The following SMARCA2 variants were observed in gnomAD, a reference collection of about 807,000 sequenced individuals.
The protein encoded by SMARCA2 is SWI/SNF-related matrix-associated actin-dependent regulator of chromatin subfamily A member 2.
Under a neutral mutation model 199.8 loss-of-function variants are expected in SMARCA2, and 61 were observed. That is an observed-to-expected ratio of 0.31 (90% confidence interval 0.25 to 0.38). SMARCA2 has a LOEUF of 0.38. SMARCA2 is among the 10% of genes least tolerant of loss of function. SMARCA2 has a pLI of 1.00. For synonymous variants in SMARCA2, 935 were observed against 732.0 expected (o/e 1.28, Z -4.48); for missense variants, 1,344 against 2,012.2 (o/e 0.67, Z 6.35).
At chr9:2,069,415 C>T (rs1000818814) in intron 9 of SMARCA2, among the ~76,000 whole-genome samples, 8 of 151,526 alleles carry the variant, frequency 5.3e-5, no homozygotes, top group South Asian at 2.1e-4. Flanking sequence ...AAAAATTAGC[C>T]GGGCGTGGTG....
chr9:2,030,072 C>T (rs774687201), intron 2 of SMARCA2, among the ~76,000 whole-genome samples: 4 of 152,136 alleles, frequency 2.6e-5, no homozygotes, highest in East Asian at 1.9e-4. Context: ...TAATGAGACA[C>T]GTAGAGGTTT....
intron 29 of SMARCA2, among the ~76,000 whole-genome samples, chr9:2,173,059 T>A (rs931895418): frequency 6.6e-6 from 1 of 152,132 alleles, no homozygotes; most frequent in East Asian, 1.9e-4. Context: ...GCAGTCTGGA[T>A]GTGTGAGGAG....
intron 31 of SMARCA2, among the ~76,000 whole-genome samples, chr9:2,182,703 C>T (rs998038298): frequency 6.6e-6 from 1 of 152,040 alleles, no homozygotes; most frequent in Non-Finnish European, 1.5e-5. Flanking sequence ...CCATGTTGGC[C>T]AGGCTGGTCT....
At chr9:2,081,292 T>C (rs10123771) in intron 14 of SMARCA2, among the ~76,000 whole-genome samples, 49,767 of 152,076 alleles carry the variant, frequency 0.33, 10,292 homozygotes, top group African/African-American at 0.58. Context: ...TGGGTAGTAC[T>C]CACATTACAA....
chr9:2,108,045 ACAGG>A (rs1822838886), intron 23 of SMARCA2, among the ~76,000 whole-genome samples: 1 of 152,208 alleles, frequency 6.6e-6, no homozygotes, highest in Non-Finnish European at 1.5e-5. Flanking sequence ...TTCGTTCTAC[ACAGG>A]CATAGCCAGG....
intron 27 of SMARCA2, among the ~76,000 whole-genome samples, chr9:2,128,968 G>C (rs1271603836): frequency 2.0e-5 from 3 of 152,214 alleles, no homozygotes; most frequent in African/African-American, 7.2e-5. Context: ...TCAGACACCA[G>C]CCACACTTTG....
intron 27 of SMARCA2, among the ~76,000 whole-genome samples, chr9:2,152,835 G>GA: frequency 6.6e-6 from 1 of 152,222 alleles, no homozygotes; most frequent in East Asian, 1.9e-4. Context: ...CTGGGCAACA[G>GA]AGGGAGCAAG....
chr9:2,146,154 T>A (rs372929852), intron 27 of SMARCA2, among the ~76,000 whole-genome samples: 5 of 152,204 alleles, frequency 3.3e-5, no homozygotes, highest in African/African-American at 1.2e-4. Context: ...GTCTGGTGAT[T>A]CTGTTTCCTG....
At chr9:2,124,085 C>A in intron 27 of SMARCA2, 148 bp downstream of exon 27, 1 of 703,852 alleles carries the variant, frequency 1.4e-6, no homozygotes, top group Non-Finnish European at 2.5e-6. Context: ...TAAAGTCATT[C>A]TGCTGTTGCA....
intron 1 of SMARCA2, among the ~76,000 whole-genome samples, chr9:2,022,690 A>G (rs1818656965): frequency 6.6e-6 from 1 of 152,246 alleles, no homozygotes; most frequent in South Asian, 2.1e-4. Context: ...AAATAAACTT[A>G]TCTTGGCAGT....
chr9:2,131,227 A>G (rs1435330752), intron 27 of SMARCA2, among the ~76,000 whole-genome samples: 2 of 152,164 alleles, frequency 1.3e-5, no homozygotes, highest in East Asian at 1.9e-4. Context: ...TTGTCTCACA[A>G]TGTCTTGTAA....
At chr9:2,116,894 T>C (rs1479587165) in intron 25 of SMARCA2, among the ~76,000 whole-genome samples, 1 of 152,256 alleles carries the variant, frequency 6.6e-6, no homozygotes, top group East Asian at 1.9e-4. Flanking sequence ...TACATATTCA[T>C]GTGGAATACT....
chr9:2,077,273 G>T (rs1247753199), intron 13 of SMARCA2, among the ~76,000 whole-genome samples: 1 of 152,142 alleles, frequency 6.6e-6, no homozygotes, highest in African/African-American at 2.4e-5. Context: ...AGCTTCATCG[G>T]CAAAGTATTC....
chr9:2,151,927 G>C (rs1398042611), intron 27 of SMARCA2, among the ~76,000 whole-genome samples: 1 of 152,062 alleles, frequency 6.6e-6, no homozygotes, highest in Non-Finnish European at 1.5e-5. Context: ...ATCCTGCTTA[G>C]TTTGACTAGT....
intron 9 of SMARCA2, among the ~76,000 whole-genome samples, chr9:2,065,018 A>T (rs1038645112): frequency 3.9e-5 from 6 of 152,052 alleles, no homozygotes; most frequent in African/African-American, 1.4e-4. Context: ...CCCCATCTCT[A>T]CTAAAAAATA....
intron 4 of SMARCA2, 147 bp from the exon 5 acceptor site, chr9:2,047,082 C>A (rs1239336419): frequency 1.3e-5 from 6 of 475,364 alleles, no homozygotes; most frequent in Non-Finnish European, 1.6e-5. Flanking sequence ...TTCTTGCCCT[C>A]CTTTTTTTTT....
chr9:2,059,389 GTAC>G (rs1820487541), intron 8 of SMARCA2, among the ~76,000 whole-genome samples: 1 of 152,078 alleles, frequency 6.6e-6, no homozygotes, highest in Admixed American at 6.6e-5. Flanking sequence ...CTGTGTGCAG[GTAC>G]TACTACATCT....
At chr9:2,183,833 A>G (rs962333175) in intron 31 of SMARCA2, among the ~76,000 whole-genome samples, 1 of 152,204 alleles carries the variant, frequency 6.6e-6, no homozygotes, top group African/African-American at 2.4e-5. Flanking sequence ...TGTGAATGAC[A>G]GACAGTTTGT....
In SMARCA2 at chr9:2,058,388, C is replaced by G; in HGVS notation, c.1445C>G (p.Thr482Ser). ...CAGAAGCTCTCCAAAGCAGTGGCAA[C>G]TTGGCATGCCAACACTGAAAGAGAG... ...KIQKLSKAVA[T>S]WHANTEREQK... The change falls in exon 8 of 34, where the codon ACT (threonine) becomes AGT (serine). Residue 482 changes from threonine (T) to serine (S), a missense_variant. This residue lies in a region of SMARCA2 where 155 missense variants were observed against 260.0 expected (regional missense o/e 0.60). Transcript: ENST00000349721. 6.2e-7 allele frequency: 1 copy of G among 1,614,106 alleles called. No homozygotes were observed. The highest frequency in any genetic ancestry group is 8.5e-7 in the Non-Finnish European group (1 of 1,179,952).
Sources: allele counts gnomAD v4.1 joint callset (sites outside exome capture counted in the v4.1 genomes callset), GRCh38; gene constraint gnomAD v4.1.1; regional missense constraint gnomAD v4.1.1; transcripts MANE v1.5; gene names NCBI Gene and HGNC (gene_info 2026-07-23, HGNC 2026-07-21).